The following ABCC1 variants were observed in gnomAD, a reference collection of about 807,000 sequenced individuals.
ABCC1 encodes the protein ATP binding cassette subfamily C member 1 (ABCC1 blood group).
Under a neutral mutation model 172.9 loss-of-function variants are expected in ABCC1, and 83 were observed. The ratio of observed to expected loss-of-function variants is 0.48; its 90% CI spans 0.40 to 0.58. The LOEUF (loss-of-function observed/expected upper bound fraction) is 0.58, where lower values mean the gene tolerates loss of function less well. Among genes scored for constraint, ABCC1 ranks in the 20% least tolerant of loss-of-function variants. ABCC1 has a pLI of 0.00. For synonymous variants in ABCC1, 937 were observed against 825.2 expected (o/e 1.14, Z -2.32); for missense variants, 1,817 against 2,002.7 (o/e 0.91, Z 1.77).
At chr16:16,132,547 A>G (rs1169401203) in intron 27 of ABCC1, among the ~76,000 whole-genome samples, 3 of 67,464 alleles carry the variant, frequency 4.4e-5, no homozygotes, top group Non-Finnish European at 5.3e-5. Flanking sequence ...TTTGAGATGG[A>G]GTCTTACTCT....
At chr16:16,140,730 T>C (rs2046095728) in intron 30 of ABCC1, among the ~76,000 whole-genome samples, 1 of 152,244 alleles carries the variant, frequency 6.6e-6, no homozygotes, top group Non-Finnish European at 1.5e-5. Context: ...TTCATTTTCC[T>C]GTTGTCTCTG....
intron 1 of ABCC1, 94 bp downstream of exon 1, chr16:15,949,893 C>G (rs865996004): frequency 1.4e-5 from 15 of 1,069,540 alleles, no homozygotes; most frequent in Middle Eastern, 3.8e-4. Context: ...GCACCCCGCT[C>G]CCCGCTCTGC....
chr16:16,091,886 G>A (rs2051270745), intron 19 of ABCC1, among the ~76,000 whole-genome samples: 1 of 152,172 alleles, frequency 6.6e-6, no homozygotes, highest in South Asian at 2.1e-4. Context: ...CCTGGGGTGG[G>A]AGCTCCTTCT....
intron 11 of ABCC1, among the ~76,000 whole-genome samples, chr16:16,053,163 C>G (rs1168246960): frequency 6.6e-6 from 1 of 152,120 alleles, no homozygotes; most frequent in Non-Finnish European, 1.5e-5. Context: ...TTCCCACGGT[C>G]TTGTTTATTA....
At chr16:16,049,520 C>T (rs1238767440) in intron 10 of ABCC1, among the ~76,000 whole-genome samples, 1 of 152,194 alleles carries the variant, frequency 6.6e-6, no homozygotes, top group Non-Finnish European at 1.5e-5. Flanking sequence ...TTCCTTCCTT[C>T]TTCCTAATTG....
chr16:16,131,328 A>G (rs1322921237), intron 26 of ABCC1, among the ~76,000 whole-genome samples: 1 of 152,152 alleles, frequency 6.6e-6, no homozygotes, highest in African/African-American at 2.4e-5. Flanking sequence ...TGTGCCTTCT[A>G]CCACTAGTTC....
chr16:15,949,884 C>A, intron 1 of ABCC1, 85 bp downstream of exon 1: 1 of 1,105,320 alleles, frequency 9.0e-7, no homozygotes, highest in Non-Finnish European at 1.1e-6. Flanking sequence ...CCGCCCGGGG[C>A]ACCCCGCTCC....
chr16:16,044,504 T>C lies in ABCC1; in HGVS notation c.864T>C (p.Ser288=), dbSNP rs45562336. The change falls in exon 8 of 31, where the codon AGT becomes AGC. Residue 288 remains serine, a synonymous_variant. Coordinates refer to ENST00000399410, the MANE Select transcript of ABCC1 (RefSeq NM_004996.4). ...AGGATCCTGCCCAGCCGAAAGAGAG[T>C]TCCAAGGTGGATGCGAATGAGGAGG... ...SSKDPAQPKE[S]SKVDANEEVE... is the part of the protein sequence containing the mutation. The C allele has an allele frequency of 3.7e-6, 6 of 1,614,072 alleles. No homozygotes were observed. The East Asian group carries it at 1.3e-4, about 36-fold the overall frequency.
At chr16:16,115,542 C>T (rs940331099) in intron 23 of ABCC1, among the ~76,000 whole-genome samples, 3 of 151,980 alleles carry the variant, frequency 2.0e-5, no homozygotes, top group African/African-American at 7.3e-5. Flanking sequence ...GACAGGGTTT[C>T]ACCAGTGTTG....
chr16:16,036,512 G>A lies in ABCC1; in HGVS notation c.718G>A (p.Asp240Asn). ...CTACCGCCAGCCCCTGGAGGGCAGT[G>A]ACCTCTGGTCCTTAAACAAGGAGGA... ...RGYRQPLEGS[D>N]LWSLNKEDTS... The change falls in exon 7 of 31, where the codon GAC becomes AAC. Residue 240 changes from aspartate (D) to asparagine (N), a missense_variant. Coordinates refer to ENST00000399410, the MANE Select transcript of ABCC1 (RefSeq NM_004996.4). 1 of 1,614,014 alleles carries A rather than the reference G, an allele frequency of 6.2e-7. No homozygotes were observed. Among genetic ancestry groups the A allele is most frequent in the Non-Finnish European group, 8.5e-7 (1 of 1,179,928 alleles).
intron 10 of ABCC1, among the ~76,000 whole-genome samples, chr16:16,050,287 C>T (rs557885116): frequency 8.6e-5 from 13 of 151,976 alleles, no homozygotes; most frequent in Non-Finnish European, 1.6e-4. Flanking sequence ...GGCAAAACCC[C>T]GTCTCTACTA....
At chr16:16,100,842 ATT>A (rs1288781380) in intron 19 of ABCC1, among the ~76,000 whole-genome samples, 1 of 152,074 alleles carries the variant, frequency 6.6e-6, no homozygotes, top group East Asian at 1.9e-4. Context: ...GCTCAGACAG[ATT>A]TATCATTTCC....
intron 5 of ABCC1, among the ~76,000 whole-genome samples, chr16:16,024,765 A>C (rs1400777164): frequency 1.3e-5 from 2 of 152,146 alleles, no homozygotes; most frequent in Non-Finnish European, 2.9e-5. Flanking sequence ...GGCTCAAAGG[A>C]AGAGGATACA....
Position 16,119,480 on chromosome 16 carries a change from C to G in ABCC1, c.3391-2495C>G, listed in dbSNP as rs182958023. Among the ~76,000 whole-genome samples, 234 of 151,820 alleles carry G rather than the reference C, an allele frequency of 1.5e-3. 9 individuals are homozygous for G. The East Asian group carries it at 0.017, about 11-fold the overall frequency. On this transcript the variant is annotated intron_variant, in intron 23 of 30. Coordinates refer to ENST00000399410, the MANE Select transcript of ABCC1 (RefSeq NM_004996.4). ...GCAGGGCAGGTGGATCACCTGAGGTCAGGAGTTTGAGACCAGCCTGGCCAA... is the reference window on the plus strand; with the variant it reads ...GCAGGGCAGGTGGATCACCTGAGGTGAGGAGTTTGAGACCAGCCTGGCCAA...
intron 1 of ABCC1, among the ~76,000 whole-genome samples, chr16:15,951,503 G>A (rs182661095): frequency 2.0e-5 from 3 of 152,132 alleles, no homozygotes; most frequent in East Asian, 3.9e-4. Flanking sequence ...GCTGATCTCT[G>A]CCTCTGGTAG....
intron 20 of ABCC1, among the ~76,000 whole-genome samples, chr16:16,104,148 C>A (rs1409834804): frequency 6.6e-6 from 1 of 152,072 alleles, no homozygotes; most frequent in South Asian, 2.1e-4. Flanking sequence ...CAATGTGGAC[C>A]CAAACACTGA....
At position 16,136,637 on chromosome 16, in the gene ABCC1, A is replaced by G. The variant is rs1449475172; in HGVS notation, c.4285A>G (p.Asn1429Asp). The G allele has an allele frequency of 1.9e-6, 3 of 1,613,942 alleles. No homozygotes were observed. The highest frequency in any genetic ancestry group is 2.5e-6 in the Non-Finnish European group (3 of 1,179,946). The stretch of plus-strand genomic sequence containing the variant: ...CCATGAATGTGCAGAAGGCGGGGAG[A>G]ACCTCAGGTAGGCGGGGGTGAACAA... The part of the protein sequence containing the change: ...LDHECAEGGE[N>D]LSVGQRQLVC... Residue 1429 changes from asparagine (N) to aspartate (D), a missense_variant, in exon 29 of 31, where the codon AAC (asparagine) becomes GAC (aspartate). Physicochemically the swap from Asn to Asp is conservative, Grantham distance 23 (BLOSUM62 1). Coordinates refer to ENST00000399410, the MANE Select transcript of ABCC1 (RefSeq NM_004996.4).
Position 16,071,802 on chromosome 16 carries a change from A to G in ABCC1, c.1912+73A>G, listed in dbSNP as rs1341438562. The G allele has an allele frequency of 4.4e-6, 6 of 1,369,938 alleles. No individual in the cohort carries two copies. The African/African-American group carries it at 7.2e-5, about 16-fold the overall frequency. The allele number at this position is 1,369,938 out of a possible 1,614,324, so 84.9% of individuals were successfully genotyped here. ...CTCCCACTGGGTCCTCCCTACTTGCATTTCTTTCCCTTGGCTGCCCTCAGG... is the reference window on the plus strand; with the variant it reads ...CTCCCACTGGGTCCTCCCTACTTGCGTTTCTTTCCCTTGGCTGCCCTCAGG... On this transcript the variant is annotated intron_variant, in intron 14 of 30. Transcript: ENST00000399410.
Position 16,007,947 on chromosome 16 carries a change from T to C in ABCC1, c.180T>C (p.His60=). The change falls in exon 2 of 31, where the codon CAT becomes CAC. Residue 60 remains histidine (H), a synonymous_variant. Coordinates refer to ENST00000399410, the MANE Select transcript of ABCC1 (RefSeq NM_004996.4). ...TCTACTTCCTCTATCTCTCCCGACA[T>C]GACCGAGGCTACATTCAGATGACAC... is the stretch of plus-strand genomic sequence containing the variant. ...FPFYFLYLSR[H]DRGYIQMTPL... The C allele has an allele frequency of 6.3e-7, 1 of 1,596,110 alleles. No individual in the cohort carries two copies. Among genetic ancestry groups the C allele is most frequent in the Non-Finnish European group, 8.5e-7 (1 of 1,170,852 alleles).
Sources: allele counts gnomAD v4.1 joint callset (sites outside exome capture counted in the v4.1 genomes callset), GRCh38; gene constraint gnomAD v4.1.1; transcripts MANE v1.5; gene names NCBI Gene and HGNC (gene_info 2026-07-23, HGNC 2026-07-21).